The following SIMC1 variants were observed in gnomAD, a reference collection of about 807,000 sequenced individuals.
SIMC1 encodes the protein SUMO interacting motifs containing 1.
Under a neutral mutation model 82.3 loss-of-function variants are expected in SIMC1, and 55 were observed. That is an observed-to-expected ratio of 0.67 (90% CI 0.54 to 0.84). The LOEUF (loss-of-function observed/expected upper bound fraction) is 0.84, where lower values mean the gene tolerates loss of function less well. Among genes scored for constraint, SIMC1 ranks in the 40% least tolerant of loss-of-function variants. The pLI is 0.00. For missense variants in SIMC1, 915 were observed against 1,107.2 expected, an observed-to-expected ratio of 0.83 and a Z score of 2.46; for synonymous variants, 353 against 426.3, an observed-to-expected ratio of 0.83 and a Z score of 2.12.
intron 1 of SIMC1, among the ~76,000 whole-genome samples, chr5:176,280,302 C>G (rs1448921147): frequency 1.3e-5 from 2 of 152,096 alleles, no homozygotes; most frequent in African/African-American, 4.8e-5. Flanking sequence ...GCAACCCCTG[C>G]CTTTTTTTTG....
At chr5:176,306,675 G>A (rs899526164) in intron 4 of SIMC1, among the ~76,000 whole-genome samples, 1 of 151,632 alleles carries the variant, frequency 6.6e-6, no homozygotes, top group African/African-American at 2.4e-5. Context: ...GATTAAGGGC[G>A]GTGCAAGATG....
At chr5:176,318,266 G>T (rs1252060045) in intron 5 of SIMC1, among the ~76,000 whole-genome samples, 3 of 152,176 alleles carry the variant, frequency 2.0e-5, no homozygotes, top group Non-Finnish European at 4.4e-5. Flanking sequence ...AAAGGGAGAA[G>T]CCTCTGGTCC....
chr5:176,308,304 CG>C, intron 4 of SIMC1: 1 of 1,461,942 alleles, frequency 6.8e-7, no homozygotes, highest in Non-Finnish European at 9.6e-7. Context: ...ATCATCTTAA[CG>C]ACGTTCTGAT....
intron 1 of SIMC1, among the ~76,000 whole-genome samples, chr5:176,257,176 T>C (rs1358011151): frequency 6.6e-6 from 1 of 152,250 alleles, no homozygotes; most frequent in Non-Finnish European, 1.5e-5. Flanking sequence ...TAGTTTGATA[T>C]ATCTTTCGGG....
At chr5:176,320,044 G>A (rs1038244659) in intron 5 of SIMC1, among the ~76,000 whole-genome samples, 12 of 152,208 alleles carry the variant, frequency 7.9e-5, no homozygotes, top group South Asian at 2.1e-4. Context: ...TTCCTCTTGC[G>A]CTGGTTCGGT....
chr5:176,256,314 T>G (rs1359790071), intron 1 of SIMC1, among the ~76,000 whole-genome samples: 3 of 152,190 alleles, frequency 2.0e-5, no homozygotes, highest in African/African-American at 7.2e-5. Flanking sequence ...TATAAATATA[T>G]ATACACGTAT....
intron 1 of SIMC1, among the ~76,000 whole-genome samples, chr5:176,255,984 GC>G (rs1288529952): frequency 6.6e-6 from 1 of 152,118 alleles, no homozygotes; most frequent in Non-Finnish European, 1.5e-5. Flanking sequence ...TGTCTGACCT[GC>G]AAATCACATG....
intron 1 of SIMC1, among the ~76,000 whole-genome samples, chr5:176,255,854 G>A (rs1033941634): frequency 7.9e-5 from 12 of 151,748 alleles, no homozygotes; most frequent in African/African-American, 2.9e-4. Flanking sequence ...CGTTAAAGCA[G>A]AGTTAGAGCT....
chr5:176,282,557 C>T (rs1347043224), intron 1 of SIMC1, among the ~76,000 whole-genome samples: 1 of 151,898 alleles, frequency 6.6e-6, no homozygotes, highest in African/African-American at 2.4e-5. Context: ...CGGAGCTGTT[C>T]CTATTCGGCC....
rs1294570323 is a variant in SIMC1, at chr5:176,324,675, G to C, written c.2089G>C (p.Asp697His). ...GATGCTCTCCATAGCCGTAGAGGTGGACAGGACCCCCACCTGCAGCTCCAA... is the reference window on the plus strand; with the variant it reads ...GATGCTCTCCATAGCCGTAGAGGTGCACAGGACCCCCACCTGCAGCTCCAA... ...QRMLSIAVEV[D>H]RTPTCSSNKI... Residue 697 changes from aspartate to histidine, a missense_variant, in exon 7 of 10, where the codon GAC becomes CAC. By Grantham distance (81) the Asp-to-His change is moderately conservative (BLOSUM62 -1). This residue lies in a region of SIMC1 where 902 missense variants were observed against 1,040.3 expected (regional missense o/e 0.87). Coordinates refer to ENST00000429602, the MANE Select transcript of SIMC1 (RefSeq NM_001308195.2). 6.2e-7 allele frequency: 1 copy of C among 1,609,838 alleles called. No homozygotes were observed. The highest frequency in any genetic ancestry group is 1.1e-5 in the South Asian group (1 of 89,980).
At chr5:176,344,993 G>A (rs1766370274) in intron 9 of SIMC1, among the ~76,000 whole-genome samples, 190 bp from the exon 10 acceptor site, 2 of 151,914 alleles carry the variant, frequency 1.3e-5, no homozygotes, top group South Asian at 2.1e-4. Context: ...ACTTCTTAAG[G>A]ACCCGAGAGA....
chr5:176,334,094 A>G (rs1487835577), intron 7 of SIMC1, among the ~76,000 whole-genome samples: 5 of 152,144 alleles, frequency 3.3e-5, no homozygotes. Flanking sequence ...TAGTTGTCTA[A>G]AAGCCCCTCA....
In SIMC1 at chr5:176,289,668, A is replaced by C. The variant is rs1435267406; in HGVS notation, c.144A>C (p.Leu48Phe). 1.1e-5 allele frequency: 18 copies of C among 1,603,510 alleles called. No individual in the cohort carries two copies. The highest frequency in any genetic ancestry group is 1.4e-5 in the Non-Finnish European group (16 of 1,174,914). ...LPRRTVDFIDLTRETRPRTKD... is the reference protein window; with the variant it reads ...LPRRTVDFIDFTRETRPRTKD... ...TCCTTCAACAGGACTTCATTGACTTAACTAGAGAGACCAGACCAAGGACAA... is the reference window on the plus strand; with the variant it reads ...TCCTTCAACAGGACTTCATTGACTTCACTAGAGAGACCAGACCAAGGACAA... The change falls in exon 2 of 10, where the codon TTA (leucine) becomes TTC (phenylalanine). Residue 48 changes from leucine to phenylalanine, a missense_variant. Physicochemically the swap from Leu to Phe is conservative, Grantham distance 22. This residue lies in a region of SIMC1 where 902 missense variants were observed against 1,040.3 expected (regional missense o/e 0.87). Transcript: ENST00000429602.
At chr5:176,277,503 T>G (rs1762766260) in intron 1 of SIMC1, among the ~76,000 whole-genome samples, 1 of 152,040 alleles carries the variant, frequency 6.6e-6, no homozygotes, top group Non-Finnish European at 1.5e-5. Context: ...TTTTGGTGTT[T>G]TAGACGTGAA....
intron 1 of SIMC1, among the ~76,000 whole-genome samples, chr5:176,282,237 G>T (rs1334948203): frequency 3.9e-5 from 6 of 152,382 alleles, no homozygotes; most frequent in South Asian, 2.1e-4. Flanking sequence ...CTCCAAGCCA[G>T]GTGCAGGATA....
intron 1 of SIMC1, among the ~76,000 whole-genome samples, chr5:176,285,059 CA>C (rs1483241619): frequency 6.6e-6 from 1 of 152,176 alleles, no homozygotes; most frequent in Non-Finnish European, 1.5e-5. Context: ...ACCAGAGGTA[CA>C]AGGGGGAGCT....
At chr5:176,287,399 T>C (rs1425126956) in intron 1 of SIMC1, among the ~76,000 whole-genome samples, 1 of 152,178 alleles carries the variant, frequency 6.6e-6, no homozygotes, top group Non-Finnish European at 1.5e-5. Context: ...AAACACTGCA[T>C]GTTCTCACTC....
chr5:176,276,413 CA>C lies in SIMC1; in HGVS notation c.130-13235del, dbSNP rs535266641. ...GGTCTATCAATTTTGTTGGTCCTTT[CA>C]AAAAACCAGATCCTGGATTCATTAA... On this transcript the variant is annotated intron_variant, in intron 1 of 9. Coordinates refer to ENST00000429602, the MANE Select transcript of SIMC1 (RefSeq NM_001308195.2). Among the ~76,000 whole-genome samples, 197 of 150,518 alleles carry C rather than the reference CA, an allele frequency of 1.3e-3. 3 individuals carry two copies. Among genetic ancestry groups the C allele is most frequent in the African/African-American group, 4.7e-3 (191 of 41,012 alleles).
chr5:176,331,267 G>A (rs1456879111), intron 7 of SIMC1, among the ~76,000 whole-genome samples: 1 of 151,850 alleles, frequency 6.6e-6, no homozygotes, highest in Non-Finnish European at 1.5e-5. Flanking sequence ...CTACTCGGGA[G>A]GCTGAGGCAG....
Sources: gnomAD v4.1 joint callset for allele counts (sites outside exome capture counted in the v4.1 genomes callset) on GRCh38, gnomAD v4.1.1 for gene constraint, gnomAD v4.1.1 regional missense constraint, MANE v1.5 for transcripts, NCBI Gene and HGNC (gene_info 2026-07-23, HGNC 2026-07-21) for gene names.